Variants in AOX1 observed in about 807,000 individuals in gnomAD.
AOX1 encodes aldehyde oxidase.
A neutral mutation model predicts 169.5 loss-of-function variants in AOX1; 153 were observed. The ratio of observed to expected loss-of-function variants is 0.90; its 90% CI spans 0.79 to 1.03. The LOEUF is 1.03. AOX1 is among the 50% of genes least tolerant of loss of function. The probability of loss-of-function intolerance (pLI) is 0.00; values close to 1 mark genes in which losing one functional copy is unlikely to be tolerated. For synonymous variants in AOX1, 562 were observed against 581.9 expected (o/e 0.97, Z 0.49); for missense variants, 1,656 against 1,663.9 (o/e 1.00, Z 0.08).
At chr2:200,613,386 G>C (rs944231159) in intron 14 of AOX1, among the ~76,000 whole-genome samples, 7 of 152,126 alleles carry the variant, frequency 4.6e-5, no homozygotes, top group Non-Finnish European at 5.9e-5. Context: ...TTCCCTAGCT[G>C]TCAAAGATGG....
intron 25 of AOX1, among the ~76,000 whole-genome samples, chr2:200,648,283 C>A (rs1383315504): frequency 6.6e-6 from 1 of 152,162 alleles, no homozygotes. Flanking sequence ...ATGGAATGTT[C>A]CCTTGATGTA....
At chr2:200,598,519 C>G (rs559701056) in intron 4 of AOX1, among the ~76,000 whole-genome samples, 2 of 152,174 alleles carry the variant, frequency 1.3e-5, no homozygotes, top group Admixed American at 6.5e-5. Flanking sequence ...CAGAGGTGGG[C>G]AGATCACGAG....
At chr2:200,679,665 C>T (rs1050832124), downstream of AOX1, among the ~76,000 whole-genome samples, 3 of 152,016 alleles carry the variant, frequency 2.0e-5, no homozygotes, top group African/African-American at 4.8e-5. Flanking sequence ...CGCCCCCCCC[C>T]GAGTCTGTCA....
At chr2:200,606,418 G>A (rs1191986424) in intron 10 of AOX1, among the ~76,000 whole-genome samples, 1 of 152,208 alleles carries the variant, frequency 6.6e-6, no homozygotes, top group African/African-American at 2.4e-5. Context: ...CAGATAGTGT[G>A]ACGCCTCCAG....
chr2:200,626,640 C>A (rs1424107554), intron 19 of AOX1, among the ~76,000 whole-genome samples: 1 of 152,118 alleles, frequency 6.6e-6, no homozygotes, highest in Non-Finnish European at 1.5e-5. Context: ...ACACCCAGCT[C>A]CCAGACAGGG....
intron 25 of AOX1, among the ~76,000 whole-genome samples, chr2:200,643,510 T>C (rs1031392827): frequency 1.3e-5 from 2 of 152,166 alleles, no homozygotes; most frequent in African/African-American, 4.8e-5. Context: ...ATTGTGCTAC[T>C]ATAAACATGC....
chr2:200,624,977 A>G (rs185260608), intron 19 of AOX1, among the ~76,000 whole-genome samples: 1 of 152,344 alleles, frequency 6.6e-6, no homozygotes, highest in African/African-American at 2.4e-5. Flanking sequence ...CCTGGGCACG[A>G]TCAGTGTCTC....
intron 5 of AOX1, among the ~76,000 whole-genome samples, chr2:200,602,009 T>C (rs6742109): frequency 0.59 from 89,110 of 151,264 alleles, 26,225 homozygotes; most frequent in East Asian, 0.73. Flanking sequence ...AAGTTTTTGG[T>C]TTGAAATTAT....
chr2:200,612,891 A>G, intron 14 of AOX1, 98 bp downstream of exon 14: 1 of 915,088 alleles, frequency 1.1e-6, no homozygotes, highest in Non-Finnish European at 1.6e-6. Context: ...CAAGAAGAAA[A>G]GTGTTCCATA....
In AOX1 at chr2:200,651,144, A is replaced by G. The variant is rs771366697; in HGVS notation, c.3018A>G (p.Gly1006=). 2 of 1,614,188 alleles carry G rather than the reference A, an allele frequency of 1.2e-6. No homozygotes were observed. The highest frequency in any genetic ancestry group is 1.7e-6 in the Non-Finnish European group (2 of 1,180,032). The change falls in exon 26 of 35, where the codon GGA becomes GGG. Residue 1006 remains glycine, a synonymous_variant. Coordinates refer to ENST00000374700, the MANE Select transcript of AOX1 (RefSeq NM_001159.4). The part of the protein sequence containing the change: ...FNAENYWKKK[G]LAMVPLKFPV... Reference sequence around the variant, plus strand: ...CAGAGAATTATTGGAAGAAGAAAGGACTGGCCATGGTCCCCCTGAAGTTTC... The same window carrying G: ...CAGAGAATTATTGGAAGAAGAAAGGGCTGGCCATGGTCCCCCTGAAGTTTC...
rs2035344024 is a variant in AOX1, at chr2:200,641,128, G to A, written c.2599G>A (p.Ala867Thr). 6.2e-7 allele frequency: 1 copy of A among 1,613,322 alleles called. No individual in the cohort carries two copies. Among genetic ancestry groups the A allele is most frequent in the Non-Finnish European group, 8.5e-7 (1 of 1,179,438 alleles). ...AGFMNDGRIL[A>T]LDMEHYSNAG... ...ATTCATGAACGATGGCAGAATCTTG[G>A]CCCTGGACATGGAGCATTACAGCAA... The change falls in exon 24 of 35, where the codon GCC (alanine) becomes ACC (threonine). Residue 867 changes from alanine (A) to threonine (T), a missense_variant. Coordinates refer to ENST00000374700, the MANE Select transcript of AOX1 (RefSeq NM_001159.4).
chr2:200,678,694 C>A (rs551845215), downstream of AOX1: 13 of 146,542 alleles, frequency 8.9e-5, no homozygotes, highest in Non-Finnish European at 1.6e-4. Flanking sequence ...AATATCATAT[C>A]TTTTTGTTTG....
chr2:200,640,036 CAA>C (rs547926062), intron 23 of AOX1, among the ~76,000 whole-genome samples: 24 of 67,752 alleles, frequency 3.5e-4, no homozygotes, highest in Admixed American at 4.6e-4. Context: ...GACTCCATCT[CAA>C]AAAAAAAAAA....
chr2:200,641,773 A>G (rs529046526), intron 24 of AOX1, among the ~76,000 whole-genome samples: 186 of 152,126 alleles, frequency 1.2e-3, no homozygotes, highest in Middle Eastern at 6.8e-3. Flanking sequence ...GGCTCAAGCA[A>G]TCCTCCCATC....
chr2:200,623,343 G>T (rs560403362), intron 18 of AOX1, among the ~76,000 whole-genome samples: 1 of 152,230 alleles, frequency 6.6e-6, no homozygotes, highest in South Asian at 2.1e-4. Context: ...GCTTGGTCAC[G>T]TCTTGGCTAG....
Position 200,604,734 on chromosome 2 carries a change from T to C in AOX1, c.708T>C (p.Phe236=). The C allele has an allele frequency of 6.2e-7, 1 of 1,614,092 alleles. No homozygotes were observed. Among genetic ancestry groups the C allele is most frequent in the East Asian group, 2.2e-5 (1 of 44,874 alleles). The change falls in exon 9 of 35, where the codon TTT becomes TTC. Residue 236 remains phenylalanine, a synonymous_variant. Coordinates refer to ENST00000374700, the MANE Select transcript of AOX1 (RefSeq NM_001159.4). The part of the protein sequence containing the change: ...AEKQSQRTRV[F]GSERMMWFSP... ...AACAGTCGCAAAGGACCAGGGTGTT[T>C]GGCAGTGAGAGAATGATGTGGTTTT... is the stretch of plus-strand genomic sequence containing the variant.
At chr2:200,657,824 C>A (rs1049973900) in intron 27 of AOX1, among the ~76,000 whole-genome samples, 3 of 152,130 alleles carry the variant, frequency 2.0e-5, no homozygotes, top group African/African-American at 7.2e-5. Flanking sequence ...TTTTAAAAAA[C>A]AAAGACCCTA....
intron 6 of AOX1, among the ~76,000 whole-genome samples, 182 bp from the exon 7 acceptor site, chr2:200,603,085 T>G (rs1260599508): frequency 6.6e-6 from 1 of 152,174 alleles, no homozygotes; most frequent in Non-Finnish European, 1.5e-5. Context: ...CTATTCAAAA[T>G]TTTCTGTAAG....
rs768781626 is a variant in AOX1, at chr2:200,616,058, T to C, written c.1699T>C (p.Tyr567His). ...CAAACATCACTGCAGTACATTAAAG[T>C]ACCAGGTGAGCGGTATTTCTTGTTT... is the stretch of plus-strand genomic sequence containing the variant. ...HSKHHCSTLK[Y>H]QNIGPKQHPE... Residue 567 changes from tyrosine to histidine, a missense_variant, in exon 16 of 35, where the codon TAC (tyrosine) becomes CAC (histidine). Transcript: ENST00000374700. The C allele has an allele frequency of 1.4e-5, 22 of 1,608,592 alleles. No homozygotes were observed. The highest frequency in any genetic ancestry group is 1.9e-5 in the Non-Finnish European group (22 of 1,175,128).
Sources: gnomAD v4.1 joint callset for allele counts (sites outside exome capture counted in the v4.1 genomes callset) on GRCh38, gnomAD v4.1.1 for gene constraint, MANE v1.5 for transcripts, NCBI Gene and HGNC (gene_info 2026-07-23, HGNC 2026-07-21) for gene names.